CSMD1: variants seen among roughly 807,000 people sequenced by gnomAD.
CSMD1 encodes CUB and sushi domain-containing protein 1.
CSMD1 carries 213 observed loss-of-function variants against 417.5 expected under a neutral mutation model. That is an observed-to-expected ratio of 0.51 (90% CI 0.46 to 0.57). CSMD1 has a LOEUF of 0.57. Among genes scored for constraint, CSMD1 ranks in the 20% least tolerant of loss-of-function variants. The probability of loss-of-function intolerance (pLI) is 0.00; values close to 1 mark genes in which losing one functional copy is unlikely to be tolerated. For synonymous variants in CSMD1, 2,862 were observed against 1,736.8 expected (o/e 1.65, Z -16.11); for missense variants, 6,923 against 4,529.7 (o/e 1.53, Z -15.17).
chr8:4,311,856 A>G (rs564427015), intron 3 of CSMD1, among the ~76,000 whole-genome samples: 2 of 152,222 alleles, frequency 1.3e-5, no homozygotes, highest in South Asian at 2.1e-4. Context: ...GATCACTGTT[A>G]GGTACTGGGT....
At chr8:3,896,204 A>G (rs1478781539) in intron 5 of CSMD1, among the ~76,000 whole-genome samples, 4 of 152,170 alleles carry the variant, frequency 2.6e-5, no homozygotes, top group Non-Finnish European at 5.9e-5. Context: ...TGTGACAAAC[A>G]TCTTCCAATT....
At chr8:3,063,737 T>C (rs900587403) in intron 49 of CSMD1, among the ~76,000 whole-genome samples, 3 of 152,110 alleles carry the variant, frequency 2.0e-5, no homozygotes, top group Admixed American at 2.0e-4. Context: ...AAAAGACAAA[T>C]ACTATGTGAT....
intron 40 of CSMD1, among the ~76,000 whole-genome samples, chr8:3,149,548 G>C (rs1819064439): frequency 6.6e-6 from 1 of 152,156 alleles, no homozygotes; most frequent in Admixed American, 6.5e-5. Context: ...CGTGATCGTG[G>C]CTCACTGCAA....
intron 5 of CSMD1, among the ~76,000 whole-genome samples, chr8:3,762,961 C>T (rs184908776): frequency 2.8e-4 from 42 of 152,360 alleles, no homozygotes; most frequent in Non-Finnish European, 1.5e-5. Context: ...TCCCCCAACT[C>T]TCTTCAGATC....
At chr8:3,860,644 C>T (rs893152329) in intron 5 of CSMD1, among the ~76,000 whole-genome samples, 1 of 152,148 alleles carries the variant, frequency 6.6e-6, no homozygotes, top group Non-Finnish European at 1.5e-5. Context: ...TTAATTTTCA[C>T]CATAATCCGG....
At chr8:4,031,336 G>C (rs990478772) in intron 4 of CSMD1, among the ~76,000 whole-genome samples, 7 of 152,322 alleles carry the variant, frequency 4.6e-5, no homozygotes, top group Admixed American at 3.3e-4. Context: ...CACAATCATA[G>C]CAGAAGGCAA....
chr8:3,250,856 G>A (rs998489600), intron 26 of CSMD1, among the ~76,000 whole-genome samples: 1 of 152,184 alleles, frequency 6.6e-6, no homozygotes, highest in African/African-American at 2.4e-5. Context: ...CTGCATAAAT[G>A]TCTTCTTTTG....
chr8:3,146,866 T>C (rs1563085529), intron 40 of CSMD1, among the ~76,000 whole-genome samples: 1 of 152,136 alleles, frequency 6.6e-6, no homozygotes, highest in East Asian at 1.9e-4. Flanking sequence ...TCAAAATAAT[T>C]ATTTGACTAA....
chr8:3,349,592 T>G (rs1256114120), intron 21 of CSMD1, among the ~76,000 whole-genome samples: 1 of 151,952 alleles, frequency 6.6e-6, no homozygotes, highest in East Asian at 1.9e-4. Flanking sequence ...AAGATGCCAT[T>G]GGGAATTTAT....
intron 3 of CSMD1, among the ~76,000 whole-genome samples, chr8:4,269,794 GTGATACCCAA>G (rs1457644801): frequency 2.0e-5 from 3 of 152,112 alleles, no homozygotes; most frequent in African/African-American, 7.2e-5. Context: ...TTATATACAG[GTGATACCCAA>G]TGAAGTCTCA....
chr8:4,486,046 G>A (rs1336522211), intron 2 of CSMD1, among the ~76,000 whole-genome samples: 2 of 150,152 alleles, frequency 1.3e-5, no homozygotes, highest in Non-Finnish European at 3.0e-5. Flanking sequence ...ACTTCATAAA[G>A]TAATAATATC....
chr8:3,072,986 T>C (rs368522629), intron 49 of CSMD1, among the ~76,000 whole-genome samples: 122 of 152,300 alleles, frequency 8.0e-4, no homozygotes, highest in African/African-American at 2.7e-3. Context: ...CTTCTCCTAA[T>C]GAAAAATAAA....
intron 3 of CSMD1, among the ~76,000 whole-genome samples, chr8:4,058,198 C>A (rs202011816): frequency 6.6e-6 from 1 of 152,034 alleles, no homozygotes; most frequent in East Asian, 1.9e-4. Flanking sequence ...TTTGTATCCT[C>A]TTTTATTTCA....
chr8:3,573,878 TCA>T (rs898217569), intron 10 of CSMD1, among the ~76,000 whole-genome samples: 24 of 152,028 alleles, frequency 1.6e-4, no homozygotes, highest in African/African-American at 5.1e-4. Flanking sequence ...AATAGTTTCC[TCA>T]CAGTTTTTTT....
intron 3 of CSMD1, among the ~76,000 whole-genome samples, chr8:4,211,868 A>G (rs886746004): frequency 2.0e-5 from 3 of 152,170 alleles, no homozygotes; most frequent in African/African-American, 7.2e-5. Context: ...TGCTTTAATA[A>G]CCCAACATCA....
chr8:3,905,047 C>G (rs950418626), intron 5 of CSMD1, among the ~76,000 whole-genome samples: 3 of 152,142 alleles, frequency 2.0e-5, no homozygotes, highest in African/African-American at 7.2e-5. Flanking sequence ...CTGATTTTCT[C>G]TGTGGTTCCT....
At chr8:4,216,285 G>A (rs1800662940) in intron 3 of CSMD1, among the ~76,000 whole-genome samples, 1 of 151,972 alleles carries the variant, frequency 6.6e-6, no homozygotes, top group African/African-American at 2.4e-5. Context: ...CCTTCTCCCT[G>A]TGGTTGCCTA....
At chr8:4,377,941 T>G (rs1802860393) in intron 3 of CSMD1, among the ~76,000 whole-genome samples, 1 of 152,234 alleles carries the variant, frequency 6.6e-6, no homozygotes. Flanking sequence ...CAAATGGCCC[T>G]CATAATATTG....
At chr8:3,211,300 C>G (rs568352178) in intron 30 of CSMD1, among the ~76,000 whole-genome samples, 17 of 152,306 alleles carry the variant, frequency 1.1e-4, no homozygotes, top group African/African-American at 4.1e-4. Context: ...CTGCCTTAGT[C>G]TCTCAAAGTG....
Sources: allele counts gnomAD v4.1 joint callset (sites outside exome capture counted in the v4.1 genomes callset), GRCh38; gene constraint gnomAD v4.1.1; transcripts MANE v1.5; gene names NCBI Gene and HGNC (gene_info 2026-07-23, HGNC 2026-07-21).